Variants in STAU1 observed in about 807,000 individuals in gnomAD.
The protein encoded by STAU1 is double-stranded RNA-binding protein Staufen homolog 1.
In STAU1, 13 loss-of-function variants were observed where a neutral mutation model predicts 62.9. The ratio of observed to expected loss-of-function variants is 0.21; its 90% CI spans 0.13 to 0.33. The LOEUF is 0.33. STAU1 is among the 10% of genes least tolerant of loss of function. STAU1 has a pLI of 1.00. For synonymous variants in STAU1, 269 were observed against 265.1 expected (o/e 1.01, Z -0.14); for missense variants, 571 against 712.1 (o/e 0.80, Z 2.25).
At chr20:49,179,336 G>A (rs888576160) in intron 1 of STAU1, 1 of 151,810 alleles carries the variant, frequency 6.6e-6, no homozygotes, top group Non-Finnish European at 1.5e-5. Context: ...TCTTTTTTAT[G>A]TTTGGTGCTT....
the STAU1 span, among the ~76,000 whole-genome samples, chr20:49,204,138 T>A: frequency 2.6e-5 from 4 of 152,018 alleles, no homozygotes; most frequent in African/African-American, 7.2e-5. Context: ...TTTTTTTTTT[T>A]AGAGTCTCAC....
chr20:49,149,252 AC>A (rs1295517028), intron 5 of STAU1, among the ~76,000 whole-genome samples: 18 of 5,064 alleles, frequency 3.6e-3, no homozygotes, highest in African/African-American at 4.5e-3. Context: ...CTGTCTCAAA[AC>A]ACACACACAC....
chr20:49,201,830 A>G, the STAU1 span, among the ~76,000 whole-genome samples: 1 of 151,970 alleles, frequency 6.6e-6, no homozygotes, highest in Non-Finnish European at 1.5e-5. Context: ...AAATTTGGAG[A>G]TGCAGCTAAA....
intron 5 of STAU1, among the ~76,000 whole-genome samples, chr20:49,138,437 C>T (rs1466816621): frequency 6.6e-6 from 1 of 152,130 alleles, no homozygotes; most frequent in Non-Finnish European, 1.5e-5. Context: ...AATCTGGTTT[C>T]AGTGTATCTC....
At chr20:49,169,569 G>C (rs2093571392) in intron 2 of STAU1, among the ~76,000 whole-genome samples, 1 of 152,194 alleles carries the variant, frequency 6.6e-6, no homozygotes, top group African/African-American at 2.4e-5. Context: ...TTAAGGACTT[G>C]AGAGATCAAA....
the STAU1 span, among the ~76,000 whole-genome samples, chr20:49,204,792 GCACC>G: frequency 6.6e-6 from 1 of 150,426 alleles, no homozygotes; most frequent in Non-Finnish European, 1.5e-5. Flanking sequence ...GGGATTACAG[GCACC>G]CGCCACCATG....
At chr20:49,169,341 A>AT (rs1378219367) in intron 2 of STAU1, among the ~76,000 whole-genome samples, 1 of 152,110 alleles carries the variant, frequency 6.6e-6, no homozygotes, top group African/African-American at 2.4e-5. Flanking sequence ...AAAATATATC[A>AT]TTTGCCCACA....
the STAU1 span, among the ~76,000 whole-genome samples, chr20:49,203,521 T>C: frequency 6.6e-6 from 1 of 152,120 alleles, no homozygotes; most frequent in Admixed American, 6.6e-5. Context: ...TGCTTTGTAA[T>C]GGACATAGCT....
intron 1 of STAU1, among the ~76,000 whole-genome samples, chr20:49,175,373 A>G (rs2093646448): frequency 6.6e-6 from 1 of 152,048 alleles, no homozygotes; most frequent in South Asian, 2.1e-4. Context: ...TGGGTGAAGA[A>G]TATTTTGCAG....
Position 49,113,346 on chromosome 20 carries a change from G to GT in STAU1, c.*1531dup, listed in dbSNP as rs1245556345. On this transcript the variant is annotated 3_prime_UTR_variant, in exon 14 of 14. Transcript: ENST00000371856. ...CTCAACAGGACCAAACACTTCATTA[G>GT]TAGCTGTTTATTGATCAATGGTTTG... 1 of 152,566 alleles carries GT rather than the reference G, an allele frequency of 6.6e-6. No homozygotes were observed. The highest frequency in any genetic ancestry group is 1.5e-5 in the Non-Finnish European group (1 of 68,040). The allele number at this position is 152,566 out of a possible 1,614,324, so 9.5% of individuals were successfully genotyped here. A position where few individuals can be genotyped will look rare whatever the true frequency, so the allele number is the denominator to read the frequency against.
chr20:49,124,634 A>C (rs771004819), intron 6 of STAU1, 47 bp from the exon 7 acceptor site: 1 of 1,602,650 alleles, frequency 6.2e-7, no homozygotes, highest in South Asian at 1.1e-5. Context: ...ACACTTATTA[A>C]AAGCTCCAAG....
At position 49,180,616 on chromosome 20, in the gene STAU1, G is replaced by T. The variant is rs73132159; in HGVS notation, c.-159-6347C>A. Among the ~76,000 whole-genome samples, 887 of 152,250 alleles carry T rather than the reference G, an allele frequency of 5.8e-3. 4 individuals are homozygous for T. Among genetic ancestry groups the T allele is most frequent in the Non-Finnish European group, 9.7e-3 (663 of 68,018 alleles). ...CGGAATTACAGGCGTGGGCCACCATGCCAGCAATTTTTAACAAACCTGATG... is the reference window on the plus strand; with the variant it reads ...CGGAATTACAGGCGTGGGCCACCATTCCAGCAATTTTTAACAAACCTGATG... On this transcript the variant is annotated intron_variant, in intron 1 of 13. Transcript: ENST00000371856.
chr20:49,187,992 G>T (rs1461372636), intron 1 of STAU1, 124 bp downstream of exon 1: 1 of 151,646 alleles, frequency 6.6e-6, no homozygotes, highest in Non-Finnish European at 1.5e-5. Context: ...CTAGAGAGAG[G>T]CCCGGGAGAA....
At chr20:49,175,366 G>C (rs1353479326) in intron 1 of STAU1, among the ~76,000 whole-genome samples, 1 of 152,120 alleles carries the variant, frequency 6.6e-6, no homozygotes, top group East Asian at 1.9e-4. Flanking sequence ...TGGAAGCTGG[G>C]TGAAGAATAT....
At chr20:49,137,831 A>AC (rs1194583972) in intron 5 of STAU1, among the ~76,000 whole-genome samples, 2 of 93,678 alleles carry the variant, frequency 2.1e-5, no homozygotes, top group Non-Finnish European at 4.7e-5. Flanking sequence ...ACACCCGGCT[A>AC]ATTTTTTTTT....
At position 49,163,480 on chromosome 20, in the gene STAU1, C is replaced by T. The variant is rs528222842; in HGVS notation, c.205+2517G>A. On this transcript the variant is annotated intron_variant, in intron 3 of 13. Transcript: ENST00000371856. The stretch of plus-strand genomic sequence containing the variant: ...TCGCTCTGTTGCCCAGACTGGAGTG[C>T]GGTGACATGATCTTGGCTTGCTGCA... Among the ~76,000 whole-genome samples, 504 of 126,792 alleles carry T rather than the reference C, an allele frequency of 4.0e-3. 2 individuals carry two copies. The highest frequency in any genetic ancestry group is 6.6e-3 in the Non-Finnish European group (427 of 64,520). The allele number at this position is 126,792 out of a possible 152,430, so 83.2% of individuals were successfully genotyped here.
intron 6 of STAU1, among the ~76,000 whole-genome samples, chr20:49,134,091 G>GA (rs1337237073): frequency 1.3e-5 from 2 of 152,146 alleles, no homozygotes; most frequent in Non-Finnish European, 2.9e-5. Flanking sequence ...AATCTGCAAA[G>GA]AATCTGCTGT....
chr20:49,150,537 A>G (rs1422751163), intron 5 of STAU1, among the ~76,000 whole-genome samples: 2 of 151,842 alleles, frequency 1.3e-5, no homozygotes, highest in African/African-American at 4.8e-5. Context: ...AATTTTTTGT[A>G]TTTTTAGTAG....
intron 1 of STAU1, among the ~76,000 whole-genome samples, chr20:49,175,502 T>G (rs2093648397): frequency 6.6e-6 from 1 of 152,026 alleles, no homozygotes; most frequent in African/African-American, 2.4e-5. Context: ...TTTTTTGAGA[T>G]GGAGTCTTAC....
Sources: allele counts gnomAD v4.1 joint callset (sites outside exome capture counted in the v4.1 genomes callset), GRCh38; gene constraint gnomAD v4.1.1; transcripts MANE v1.5; gene names NCBI Gene and HGNC (gene_info 2026-07-23, HGNC 2026-07-21).